The following POLR3E variants were observed in gnomAD, a reference collection of about 807,000 sequenced individuals.
The protein encoded by POLR3E is DNA-directed RNA polymerase III subunit RPC5.
POLR3E carries 41 observed loss-of-function variants against 96.6 expected under a neutral mutation model. The ratio of observed to expected loss-of-function variants is 0.42; its 90% confidence interval spans 0.33 to 0.55. The LOEUF (loss-of-function observed/expected upper bound fraction) is 0.55. Ranked by LOEUF, POLR3E falls within the 20% of genes least tolerant of loss-of-function variation. The probability of loss-of-function intolerance (pLI) is 0.06; values close to 1 mark genes in which losing one functional copy is unlikely to be tolerated. For missense variants in POLR3E, 849 were observed against 952.1 expected (o/e 0.89, Z 1.43); for synonymous variants, 396 against 383.6 (o/e 1.03, Z -0.38).
intron 4 of POLR3E, chr16:22,308,582 C>T (rs553565299): frequency 1.4e-5 from 6 of 439,298 alleles, no homozygotes; most frequent in Admixed American, 1.1e-4. Flanking sequence ...GAAGTGCCAT[C>T]CCAGTATTGC....
chr16:22,328,242 G>A (rs925372034), intron 18 of POLR3E: 13 of 468,358 alleles, frequency 2.8e-5, no homozygotes, highest in African/African-American at 1.8e-4. Context: ...CTGCAGACTC[G>A]AAGCCGGGCA....
intron 3 of POLR3E, among the ~76,000 whole-genome samples, chr16:22,306,901 A>G (rs2048144592): frequency 6.6e-6 from 1 of 152,216 alleles, no homozygotes; most frequent in African/African-American, 2.4e-5. Context: ...GGCCTGGGGC[A>G]TGCCACAGCA....
At chr16:22,300,689 T>C (rs1598229655) in intron 1 of POLR3E, among the ~76,000 whole-genome samples, 2 of 152,232 alleles carry the variant, frequency 1.3e-5, no homozygotes, top group East Asian at 1.9e-4. Context: ...GCACTGAAAC[T>C]GTCCAGATGC....
chr16:22,328,791 C>T (rs1390557885), intron 19 of POLR3E: 3 of 546,140 alleles, frequency 5.5e-6, no homozygotes, highest in Non-Finnish European at 1.0e-5. Context: ...CCAGTGGTTC[C>T]CAGATGCCAG....
chr16:22,317,273 G>A (rs536267446), intron 12 of POLR3E, 67 bp downstream of exon 12: 2 of 1,150,948 alleles, frequency 1.7e-6, no homozygotes, highest in African/African-American at 1.5e-5. Context: ...TGGACTCTGT[G>A]GGACAGTGAG....
rs777492146 is a variant in POLR3E, at chr16:22,325,768, C to T, written c.1356C>T (p.Ala452=). Residue 452 remains alanine (A), a synonymous_variant, in exon 18 of 21, where the codon GCC becomes GCT. Coordinates refer to ENST00000299853, the MANE Select transcript of POLR3E (RefSeq NM_018119.4). ...CTGCCTCCCTCCCCGCAGGGCCTGC[C>T]GGGCTGGTCTGTGGGGACCAGCGGA... The part of the protein sequence containing the change: ...PKKPDAQSGP[A]GLVCGDQRIQ... 53 of 1,559,896 alleles carry T rather than the reference C, an allele frequency of 3.4e-5. No homozygotes were observed. The highest frequency in any genetic ancestry group is 4.2e-5 in the Non-Finnish European group (49 of 1,154,118).
intron 19 of POLR3E, among the ~76,000 whole-genome samples, chr16:22,330,305 G>A (rs536445967): frequency 3.3e-5 from 5 of 152,214 alleles, no homozygotes; most frequent in African/African-American, 1.2e-4. Context: ...GGCTGGTCTC[G>A]AACTCCTGGC....
intron 2 of POLR3E, among the ~76,000 whole-genome samples, chr16:22,304,849 T>C (rs1325363699): frequency 6.6e-6 from 1 of 152,092 alleles, no homozygotes; most frequent in Non-Finnish European, 1.5e-5. Flanking sequence ...GCCCAGGCTG[T>C]AGGACGTTTC....
chr16:22,309,617 A>G (rs1365565492), intron 6 of POLR3E, 107 bp downstream of exon 6: 1 of 841,200 alleles, frequency 1.2e-6, no homozygotes, highest in South Asian at 1.3e-5. Context: ...CCTGAAAGCT[A>G]GACACCTGTG....
At position 22,325,892 on chromosome 16, in the gene POLR3E, G is replaced by T. The variant is rs764660130; in HGVS notation, c.1480G>T (p.Gly494Cys). The T allele has an allele frequency of 1.2e-6, 2 of 1,608,160 alleles. No homozygotes were observed. Among genetic ancestry groups the T allele is most frequent in the South Asian group, 2.2e-5 (2 of 90,384 alleles). The change falls in exon 18 of 21, where the codon GGT becomes TGT. Residue 494 changes from glycine to cysteine, a missense_variant. Gly to Cys is a radical substitution (Grantham distance 159). Transcript: ENST00000299853. ...GCTGCGGGTGCCTGCGGTCCCGCCCGGTGTGCGGATCAAGGAGGAGCCCGT... is the reference window on the plus strand; with the variant it reads ...GCTGCGGGTGCCTGCGGTCCCGCCCTGTGTGCGGATCAAGGAGGAGCCCGT... Reference protein sequence around the residue: ...EQLRVPAVPPGVRIKEEPVSE... With the variant: ...EQLRVPAVPPCVRIKEEPVSE...
Position 22,317,933 on chromosome 16 carries a change from A to G in POLR3E, c.865+727A>G, listed in dbSNP as rs1261493823. On this transcript the variant is annotated intron_variant, in intron 12 of 20. Transcript: ENST00000299853. ...CTCTGAGTGCCAGAACCTTTAGGGT[A>G]CCCGTGGCTGGTGAACAACAGACCT... 3.3e-5 allele frequency among the ~76,000 whole-genome samples: 5 copies of G among 152,038 alleles called. No individual in the cohort carries two copies. In the East Asian group the frequency reaches 5.8e-4, roughly 18 times the overall value.
At chr16:22,314,961 T>C (rs1444965769) in intron 8 of POLR3E, 128 bp from the exon 9 acceptor site, 3 of 931,280 alleles carry the variant, frequency 3.2e-6, no homozygotes, top group Non-Finnish European at 4.7e-6. Context: ...AAACGACCTG[T>C]GCTAGGAAAG....
chr16:22,302,964 C>G lies in POLR3E; in HGVS notation c.-5C>G. The stretch of plus-strand genomic sequence containing the variant: ...GAAGGACTGCGCGGCTGGCTCTCCT[C>G]TAGTATGGCCAATGAAGAGGATGAC... On this transcript the variant is annotated 5_prime_UTR_variant, in exon 2 of 21. Coordinates refer to ENST00000299853, the MANE Select transcript of POLR3E (RefSeq NM_018119.4). 1.2e-6 allele frequency: 2 copies of G among 1,613,854 alleles called. No individual in the cohort carries two copies. Among genetic ancestry groups the G allele is most frequent in the Non-Finnish European group, 1.7e-6 (2 of 1,179,788 alleles).
Position 22,317,051 on chromosome 16 carries a change from C to T in POLR3E, c.773+12C>T, listed in dbSNP as rs200027727. On this transcript the variant is annotated intron_variant, in intron 11 of 20. Coordinates refer to ENST00000299853, the MANE Select transcript of POLR3E (RefSeq NM_018119.4). ...CAGGAGGAGGAGAAGTGAGTAGAGG[C>T]GGCAGGACACCCTCTCCCTTTCCGG... The T allele has an allele frequency of 3.8e-4, 608 of 1,613,810 alleles. 2 individuals carry two copies. In the African/African-American group the frequency reaches 5.9e-3, roughly 16 times the overall value.
chr16:22,305,842 A>T (rs552968160), intron 3 of POLR3E, among the ~76,000 whole-genome samples: 1 of 152,216 alleles, frequency 6.6e-6, no homozygotes, highest in African/African-American at 2.4e-5. Context: ...TACCTCAGTT[A>T]CCTCTTTAAC....
At position 22,309,344 on chromosome 16, in the gene POLR3E, G is replaced by A. The variant is rs1439092860; in HGVS notation, c.282-84G>A. On this transcript the variant is annotated intron_variant, in intron 5 of 20. Coordinates refer to ENST00000299853, the MANE Select transcript of POLR3E (RefSeq NM_018119.4). ...CCCTGGCTGTGGCACTTCAGAAAGTGTCTAGGGGGTGGGGTGCGCTGTGGC... is the reference window on the plus strand; with the variant it reads ...CCCTGGCTGTGGCACTTCAGAAAGTATCTAGGGGGTGGGGTGCGCTGTGGC... The A allele has an allele frequency of 2.9e-6, 3 of 1,050,654 alleles. No homozygotes were observed. The East Asian group carries it at 7.1e-5, about 25-fold the overall frequency. 65.1% of individuals were successfully genotyped at this position (1,050,654 alleles called of 1,614,324 possible). A position where few individuals can be genotyped will look rare whatever the true frequency, so the allele number is the denominator to read the frequency against.
rs762761508 is a variant in POLR3E, at chr16:22,305,149, T to C, written c.37-7T>C. ...CTCCCGGTTAAGTCGTCTTCCCTTCTTCCCAGATCGATGTGTACTTGGCCA... is the reference window on the plus strand; with the variant it reads ...CTCCCGGTTAAGTCGTCTTCCCTTCCTCCCAGATCGATGTGTACTTGGCCA... On this transcript the variant is annotated splice_polypyrimidine_tract_variant and splice_region_variant and intron_variant, in intron 2 of 20. Coordinates refer to ENST00000299853, the MANE Select transcript of POLR3E (RefSeq NM_018119.4). 6.2e-7 allele frequency: 1 copy of C among 1,612,240 alleles called. No homozygotes were observed. The highest frequency in any genetic ancestry group is 1.1e-5 in the South Asian group (1 of 91,050).
At chr16:22,311,685 G>A (rs957238657) in intron 6 of POLR3E, among the ~76,000 whole-genome samples, 3 of 151,708 alleles carry the variant, frequency 2.0e-5, no homozygotes, top group Non-Finnish European at 4.4e-5. Flanking sequence ...TTGTTGAGGT[G>A]GGGTCTTGCT....
intron 1 of POLR3E, among the ~76,000 whole-genome samples, chr16:22,302,186 C>T (rs1285483696): frequency 6.6e-6 from 1 of 152,132 alleles, no homozygotes; most frequent in Non-Finnish European, 1.5e-5. Flanking sequence ...CGTGCCTCCT[C>T]CCCAGCAGAA....
Sources: gnomAD v4.1 joint callset for allele counts (sites outside exome capture counted in the v4.1 genomes callset) on GRCh38, gnomAD v4.1.1 for gene constraint, MANE v1.5 for transcripts, NCBI Gene and HGNC (gene_info 2026-07-23, HGNC 2026-07-21) for gene names.